The following NUDCD1 variants were observed in gnomAD, a reference collection of about 807,000 sequenced individuals.
The protein encoded by NUDCD1 is NudC domain containing 1, also known as nudC domain-containing protein 1.
In NUDCD1, 60 loss-of-function variants were observed where a neutral mutation model predicts 67.8. The observed-to-expected ratio is 0.88, with a 90% CI of 0.72 to 1.10. The LOEUF is 1.10. Among genes scored for constraint, NUDCD1 ranks in the 50% least tolerant of loss-of-function variants. The probability of loss-of-function intolerance (pLI) is 0.00; values close to 1 mark genes in which losing one functional copy is unlikely to be tolerated. For missense variants in NUDCD1, 643 were observed against 695.0 expected (o/e 0.93, Z 0.84); for synonymous variants, 244 against 230.8 (o/e 1.06, Z -0.52).
chr8:109,275,013 A>G (rs1034658511), intron 7 of NUDCD1, among the ~76,000 whole-genome samples: 4 of 152,154 alleles, frequency 2.6e-5, no homozygotes, highest in Non-Finnish European at 4.4e-5. Flanking sequence ...GATTCTTAGC[A>G]AATAAATTGT....
At chr8:109,263,053 T>TCAAAAA (rs1813903945) in intron 8 of NUDCD1, among the ~76,000 whole-genome samples, 1 of 12,972 alleles carries the variant, frequency 7.7e-5, no homozygotes, top group Non-Finnish European at 1.2e-4. Flanking sequence ...AGACTCTGTC[T>TCAAAAA]CAAAAAAAAA....
intron 2 of NUDCD1, among the ~76,000 whole-genome samples, chr8:109,314,727 A>G (rs2130109874): frequency 6.6e-6 from 1 of 152,234 alleles, no homozygotes; most frequent in Admixed American, 6.5e-5. Flanking sequence ...CTGGGTCAAT[A>G]TAGATGTAAT....
At chr8:109,301,667 C>T (rs1814993540) in intron 2 of NUDCD1, among the ~76,000 whole-genome samples, 2 of 152,224 alleles carry the variant, frequency 1.3e-5, no homozygotes, top group South Asian at 4.1e-4. Flanking sequence ...CTCTCTTCTC[C>T]AGCCTCTCTT....
At chr8:109,321,500 G>A (rs138987611) in intron 2 of NUDCD1, among the ~76,000 whole-genome samples, 267 of 151,492 alleles carry the variant, frequency 1.8e-3, no homozygotes, top group African/African-American at 3.8e-3. Context: ...AAATTAAATC[G>A]AGTTCTAAGG....
At chr8:109,329,195 A>C (rs1227608354) in intron 1 of NUDCD1, among the ~76,000 whole-genome samples, 1 of 152,156 alleles carries the variant, frequency 6.6e-6, no homozygotes, top group Admixed American at 6.5e-5. Context: ...AAACAGAAAA[A>C]AGTATGAAGA....
chr8:109,309,068 C>G (rs889822743), intron 2 of NUDCD1, among the ~76,000 whole-genome samples: 2 of 152,054 alleles, frequency 1.3e-5, no homozygotes, highest in African/African-American at 2.4e-5. Context: ...TGACACTATT[C>G]CACAAGACAG....
chr8:109,328,994 G>A (rs542371233), intron 1 of NUDCD1, among the ~76,000 whole-genome samples: 7 of 152,276 alleles, frequency 4.6e-5, no homozygotes, highest in Non-Finnish European at 7.4e-5. Flanking sequence ...ATTGCTACAT[G>A]TACTCCATGT....
chr8:109,320,167 G>A (rs981225028), intron 2 of NUDCD1, among the ~76,000 whole-genome samples: 3 of 152,068 alleles, frequency 2.0e-5, no homozygotes, highest in Admixed American at 6.5e-5. Flanking sequence ...CATCTTATCA[G>A]GAGACAGGGT....
intron 8 of NUDCD1, among the ~76,000 whole-genome samples, chr8:109,251,653 CT>C (rs140156877): frequency 0.024 from 3,697 of 152,100 alleles, 141 homozygotes; most frequent in African/African-American, 0.084. Flanking sequence ...TTTGTGTTTT[CT>C]TTTTCCTCAG....
chr8:109,301,195 A>G, intron 2 of NUDCD1, among the ~76,000 whole-genome samples: 1 of 152,320 alleles, frequency 6.6e-6, no homozygotes, highest in East Asian at 1.9e-4. Context: ...TTAACTGATG[A>G]CATTCCACCA....
intron 2 of NUDCD1, among the ~76,000 whole-genome samples, chr8:109,298,007 T>C (rs2130050073): frequency 6.6e-6 from 1 of 152,258 alleles, no homozygotes; most frequent in African/African-American, 2.4e-5. Context: ...GGCCACAAAA[T>C]TTTTGGTGAC....
chr8:109,267,873 T>C (rs1274418922), intron 8 of NUDCD1, among the ~76,000 whole-genome samples: 3 of 152,234 alleles, frequency 2.0e-5, no homozygotes, highest in African/African-American at 7.2e-5. Flanking sequence ...AGACTAACTG[T>C]ATTTATTCAG....
At chr8:109,275,317 C>A (rs535588306) in intron 7 of NUDCD1, 35 bp downstream of exon 7, 8 of 1,586,330 alleles carry the variant, frequency 5.0e-6, no homozygotes, top group South Asian at 1.2e-5. Flanking sequence ...ATTTTTGGAC[C>A]CTTGGAAAGT....
intron 2 of NUDCD1, among the ~76,000 whole-genome samples, chr8:109,297,528 C>A (rs1432111666): frequency 1.4e-5 from 2 of 144,292 alleles, no homozygotes; most frequent in African/African-American, 5.0e-5. Flanking sequence ...GTCTCTTTTT[C>A]CCCCTCCGCC....
intron 7 of NUDCD1, among the ~76,000 whole-genome samples, chr8:109,273,082 G>T (rs1814195654): frequency 6.6e-6 from 1 of 152,146 alleles, no homozygotes; most frequent in South Asian, 2.1e-4. Flanking sequence ...GCAGAGAAAA[G>T]GGTCAAACAT....
chr8:109,311,773 AAG>A (rs1158566542), intron 2 of NUDCD1, among the ~76,000 whole-genome samples: 1 of 151,676 alleles, frequency 6.6e-6, no homozygotes, highest in Admixed American at 6.6e-5. Flanking sequence ...ACTCGGGGGA[AAG>A]AGTGGGAAGC....
chr8:109,272,788 C>T (rs1814186878), intron 7 of NUDCD1, among the ~76,000 whole-genome samples: 1 of 152,090 alleles, frequency 6.6e-6, no homozygotes, highest in Non-Finnish European at 1.5e-5. Flanking sequence ...TATGGAACCA[C>T]CTAGTTGTGG....
At chr8:109,325,262 G>A (rs909812423) in intron 1 of NUDCD1, among the ~76,000 whole-genome samples, 2 of 152,052 alleles carry the variant, frequency 1.3e-5, no homozygotes, top group Admixed American at 6.6e-5. Context: ...AAAGGATTAA[G>A]TTCTCATGTT....
chr8:109,253,097 G>A (rs553179296), intron 8 of NUDCD1, among the ~76,000 whole-genome samples: 10 of 152,264 alleles, frequency 6.6e-5, no homozygotes, highest in East Asian at 1.9e-4. Context: ...AAAGTTAACC[G>A]TCTTTAATCT....
Sources: allele counts gnomAD v4.1 joint callset (sites outside exome capture counted in the v4.1 genomes callset), GRCh38; gene constraint gnomAD v4.1.1; transcripts MANE v1.5; gene names NCBI Gene and HGNC (gene_info 2026-07-23, HGNC 2026-07-21).